DNM2: variants seen among roughly 807,000 people sequenced by gnomAD.
DNM2 encodes dynamin 2, also known as dynamin-2.
A neutral mutation model predicts 99.0 loss-of-function variants in DNM2; 15 were observed. That is an observed-to-expected ratio of 0.15 (90% CI 0.10 to 0.23). DNM2 has a LOEUF of 0.23. Among genes scored for constraint, DNM2 ranks in the 10% least tolerant of loss-of-function variants. The pLI is 1.00. For missense variants in DNM2, 742 were observed against 1,189.4 expected, an observed-to-expected ratio of 0.62 and a Z score of 5.53; for synonymous variants, 525 against 481.2, an observed-to-expected ratio of 1.09 and a Z score of -1.19.
chr19:10,751,840 A>C (rs2070206484), intron 1 of DNM2, among the ~76,000 whole-genome samples: 2 of 152,222 alleles, frequency 1.3e-5, no homozygotes, highest in Admixed American at 6.5e-5. Flanking sequence ...AATTTTAAGG[A>C]AATTAAACAC....
rs10405772 is a variant in DNM2, at chr19:10,776,950, T to C, written c.590-168T>C. ...CTGTGAGATCAGGGCTGTGACCATCTTCATTCGACATGTCGGAAACTGGGG... is the reference window on the plus strand; with the variant it reads ...CTGTGAGATCAGGGCTGTGACCATCCTCATTCGACATGTCGGAAACTGGGG... On this transcript the variant is annotated intron_variant, in intron 4 of 20. Coordinates refer to ENST00000389253, the MANE Select transcript of DNM2 (RefSeq NM_001005361.3). 0.02 allele frequency among the ~76,000 whole-genome samples: 3,104 copies of C among 152,314 alleles called. 93 individuals carry two copies. Among genetic ancestry groups the C allele is most frequent in the African/African-American group, 0.071 (2,930 of 41,556 alleles).
Position 10,718,254 on chromosome 19 carries a change from C to T in DNM2, c.12C>T (p.Arg4=). The T allele has an allele frequency of 6.7e-7, 1 of 1,483,676 alleles. No homozygotes were observed. Among genetic ancestry groups the T allele is most frequent in the Non-Finnish European group, 9.0e-7 (1 of 1,115,226 alleles). 91.9% of individuals were successfully genotyped at this position (1,483,676 alleles called of 1,614,324 possible). A position where few individuals can be genotyped will look rare whatever the true frequency, so the allele number is the denominator to read the frequency against. Residue 4 remains arginine (R), a synonymous_variant, in exon 1 of 21, where the codon CGC becomes CGT. Coordinates refer to ENST00000389253, the MANE Select transcript of DNM2 (RefSeq NM_001005361.3). ...GGGCCGCCGGCGCCATGGGCAACCGCGGGATGGAAGAGCTGATCCCGCTGG... is the reference window on the plus strand; with the variant it reads ...GGGCCGCCGGCGCCATGGGCAACCGTGGGATGGAAGAGCTGATCCCGCTGG... MGN[R]GMEELIPLVN...
rs1352907490 is a variant in DNM2 at position 10,786,801 on chromosome 19, C to A, written c.992+95C>A. On this transcript the variant is annotated intron_variant, in intron 7 of 20. Transcript: ENST00000389253. ...GGCTGGGCACCACTCATCACTCGTC[C>A]ACTCATTGATTCAGCAGACACTTGC... The A allele has an allele frequency of 3.8e-6, 6 of 1,578,432 alleles. No individual in the cohort carries two copies. In the Admixed American group the frequency reaches 1.1e-4, roughly 29 times the overall value.
At chr19:10,729,328 A>G (rs2069228814) in intron 1 of DNM2, among the ~76,000 whole-genome samples, 1 of 152,090 alleles carries the variant, frequency 6.6e-6, no homozygotes, top group African/African-American at 2.4e-5. Context: ...ACGGCCCTCC[A>G]GCCTGGGCAA....
At chr19:10,773,952 C>T (rs966240826) in intron 3 of DNM2, among the ~76,000 whole-genome samples, 20 of 152,138 alleles carry the variant, frequency 1.3e-4, no homozygotes, top group South Asian at 2.1e-4. Context: ...AACAGCAGCC[C>T]GGGGCCATAG....
intron 1 of DNM2, among the ~76,000 whole-genome samples, chr19:10,719,883 T>C (rs2068880063): frequency 6.6e-6 from 1 of 152,150 alleles, no homozygotes; most frequent in African/African-American, 2.4e-5. Context: ...TAAGGCCTTG[T>C]GTCTGCCATC....
At position 10,817,800 on chromosome 19, in the gene DNM2, C is replaced by CGT. The variant is rs756219781; in HGVS notation, c.1672-2164_1672-2163dup. ...GGTGGGGAGGAGGGGCGCACACACA[C>CGT]GTGTGTGTGTGTGTGTGCGCGCGCG... On this transcript the variant is annotated intron_variant, in intron 15 of 20. Coordinates refer to ENST00000389253, the MANE Select transcript of DNM2 (RefSeq NM_001005361.3). The surrounding 1 kb of genome is among the most constrained non-coding windows in gnomAD (Gnocchi z 4.6). 2.3e-3 allele frequency among the ~76,000 whole-genome samples: 318 copies of CGT among 139,420 alleles called. No individual in the cohort carries two copies. The highest frequency in any genetic ancestry group is 6.2e-3 in the African/African-American group (239 of 38,596). The allele number at this position is 139,420 out of a possible 152,430, so 91.5% of individuals were successfully genotyped here.
chr19:10,723,562 C>T (rs1341656276), intron 1 of DNM2, among the ~76,000 whole-genome samples: 1 of 152,216 alleles, frequency 6.6e-6, no homozygotes, highest in Non-Finnish European at 1.5e-5. Context: ...GCCACCGCGC[C>T]CAGCCCCGTC....
chr19:10,805,234 A>G (rs1050950364), intron 12 of DNM2, among the ~76,000 whole-genome samples: 2 of 152,212 alleles, frequency 1.3e-5, no homozygotes, highest in African/African-American at 4.8e-5. Context: ...CATGCAAGAT[A>G]TGTGTCATTT....
intron 14 of DNM2, 163 bp downstream of exon 14, chr19:10,808,743 C>A: frequency 3.8e-6 from 3 of 793,888 alleles, no homozygotes; most frequent in South Asian, 3.9e-5. Flanking sequence ...CTGGACTGCA[C>A]GTTGCCCTGG....
chr19:10,718,340 A>G lies in DNM2; in HGVS notation c.98A>G (p.Gln33Arg). The G allele has an allele frequency of 6.6e-7, 1 of 1,522,272 alleles. No individual in the cohort carries two copies. The highest frequency in any genetic ancestry group is 8.8e-7 in the Non-Finnish European group (1 of 1,137,250). The allele number at this position is 1,522,272 out of a possible 1,614,324, so 94.3% of individuals were successfully genotyped here. The change falls in exon 1 of 21, where the codon CAG (glutamine) becomes CGG (arginine). Residue 33 changes from glutamine (Q) to arginine (R), a missense_variant. Physicochemically the swap from Gln to Arg is conservative, Grantham distance 43. This residue lies in a region of DNM2 where 52 missense variants were observed against 46.1 expected (regional missense o/e 1.13). Coordinates refer to ENST00000389253, the MANE Select transcript of DNM2 (RefSeq NM_001005361.3). Reference protein sequence around the residue: ...IGQSCHLDLPQIAVVGGQSAG... With the variant: ...IGQSCHLDLPRIAVVGGQSAG... ...CAGAGCTGCCACCTGGACCTGCCGC[A>G]GATCGCTGTAGTGGGCGGCCAGAGC...
chr19:10,808,368 T>C (rs2072426067), intron 13 of DNM2, among the ~76,000 whole-genome samples: 2 of 152,160 alleles, frequency 1.3e-5, no homozygotes, highest in Non-Finnish European at 2.9e-5. Context: ...CTTGAGATAA[T>C]AATGAATTAA....
Position 10,820,156 on chromosome 19 carries a change from C to A in DNM2, c.1781+67C>A, listed in dbSNP as rs1042137144. On this transcript the variant is annotated intron_variant, in intron 16 of 20. Transcript: ENST00000389253. The surrounding 1 kb of genome is among the most constrained non-coding windows in gnomAD (Gnocchi z 4.3). ...CAATGGCCTCATTCACACTCCACAA[C>A]CTTCACTGAGCACTGAGCACCTGGC... 9.8e-5 allele frequency: 146 copies of A among 1,487,114 alleles called. No homozygotes were observed. Among genetic ancestry groups the A allele is most frequent in the Middle Eastern group, 9.2e-4 (5 of 5,426 alleles). 92.1% of individuals were successfully genotyped at this position (1,487,114 alleles called of 1,614,324 possible). A position where few individuals can be genotyped will look rare whatever the true frequency, so the allele number is the denominator to read the frequency against.
At chr19:10,727,159 T>C (rs1256873321) in intron 1 of DNM2, among the ~76,000 whole-genome samples, 1 of 152,168 alleles carries the variant, frequency 6.6e-6, no homozygotes, top group Non-Finnish European at 1.5e-5. Flanking sequence ...ATTAGGTTTA[T>C]AATCAGGAAG....
intron 5 of DNM2, 113 bp downstream of exon 5, chr19:10,777,329 C>A: frequency 1.0e-6 from 1 of 970,746 alleles, no homozygotes; most frequent in Non-Finnish European, 1.6e-6. Flanking sequence ...TCCATTTCAC[C>A]GTAACTCCTT....
intron 1 of DNM2, among the ~76,000 whole-genome samples, chr19:10,746,734 GT>G (rs1442794369): frequency 0.059 from 7,289 of 123,064 alleles, 303 homozygotes; most frequent in South Asian, 0.11. Flanking sequence ...TTTGTTTTTT[GT>G]TTTTTTTTTT....
At chr19:10,815,727 G>A (rs2072713567) in intron 15 of DNM2, among the ~76,000 whole-genome samples, 1 of 152,142 alleles carries the variant, frequency 6.6e-6, no homozygotes, top group South Asian at 2.1e-4. Flanking sequence ...GGAGAGGCTG[G>A]GGTTGCCTGA....
At position 10,806,106 on chromosome 19, in the gene DNM2, G is replaced by C; in HGVS notation, c.1545+139G>C. On this transcript the variant is annotated intron_variant, in intron 13 of 20. Transcript: ENST00000389253. ...AGTACCAGGCCATCTGCTCTCTCTA[G>C]AGGCCACTTAGGAATTGATAATTCT... 4 of 1,054,400 alleles carry C rather than the reference G, an allele frequency of 3.8e-6. No individual in the cohort carries two copies. In the South Asian group the frequency reaches 4.1e-5, roughly 11 times the overall value. The allele number at this position is 1,054,400 out of a possible 1,614,324, so 65.3% of individuals were successfully genotyped here. A position where few individuals can be genotyped will look rare whatever the true frequency, so the allele number is the denominator to read the frequency against.
At chr19:10,825,716 A>G (rs896438139) in intron 18 of DNM2, among the ~76,000 whole-genome samples, 2 of 150,940 alleles carry the variant, frequency 1.3e-5, no homozygotes, top group Non-Finnish European at 3.0e-5. Flanking sequence ...GTAGCCGGGC[A>G]TGGTGGCGGG....
Sources: gnomAD v4.1 joint callset for allele counts (sites outside exome capture counted in the v4.1 genomes callset) on GRCh38, gnomAD v4.1.1 for gene constraint, gnomAD v4.1.1 regional missense constraint, Gnocchi (gnomAD v3.1) non-coding constraint, MANE v1.5 for transcripts, NCBI Gene and HGNC (gene_info 2026-07-23, HGNC 2026-07-21) for gene names.